RBM33: variants seen among roughly 807,000 people sequenced by gnomAD.
RBM33 encodes RNA-binding protein 33.
RBM33 carries 28 observed loss-of-function variants against 132.6 expected under a neutral mutation model. The observed-to-expected ratio is 0.21, with a 90% confidence interval of 0.16 to 0.29. RBM33 has a LOEUF of 0.29. RBM33 is among the 10% of genes least tolerant of loss of function. The pLI is 1.00. For synonymous variants in RBM33, 634 were observed against 593.0 expected, an observed-to-expected ratio of 1.07 and a Z score of -1.01; for missense variants, 1,291 against 1,518.5, an observed-to-expected ratio of 0.85 and a Z score of 2.49.
intron 8 of RBM33, among the ~76,000 whole-genome samples, chr7:155,717,209 G>A (rs1800487148): frequency 1.3e-5 from 2 of 152,172 alleles, no homozygotes; most frequent in Admixed American, 1.3e-4. Context: ...CCGCAAATAG[G>A]GTGAGTTAAA....
At chr7:155,707,389 G>C in intron 7 of RBM33, 1 of 506,432 alleles carries the variant, frequency 2.0e-6, no homozygotes, top group Admixed American at 2.4e-5. Flanking sequence ...AGGTATTTCT[G>C]AGTGCATTAC....
chr7:155,751,471 C>G (rs7781854), intron 14 of RBM33, among the ~76,000 whole-genome samples: 36,694 of 152,120 alleles, frequency 0.24, 4,701 homozygotes, highest in African/African-American at 0.32. Context: ...GTAGCTAACC[C>G]CCACCTTTCA....
At chr7:155,741,698 C>A in intron 12 of RBM33, 121 bp from the exon 13 acceptor site, 1 of 957,950 alleles carries the variant, frequency 1.0e-6, no homozygotes, top group Non-Finnish European at 1.6e-6. Context: ...TATCTGCTCC[C>A]CAAAAGAAGT....
intron 7 of RBM33, among the ~76,000 whole-genome samples, chr7:155,710,552 C>A (rs1410544304): frequency 1.3e-5 from 2 of 152,190 alleles, no homozygotes; most frequent in Non-Finnish European, 2.9e-5. Flanking sequence ...TACCTTCTTT[C>A]CTGCCTTCTT....
chr7:155,659,054 A>C (rs1331910533), intron 1 of RBM33, among the ~76,000 whole-genome samples: 1 of 152,346 alleles, frequency 6.6e-6, no homozygotes, highest in Admixed American at 6.5e-5. Flanking sequence ...AATAAATAGT[A>C]GTTTTAAAAA....
chr7:155,656,654 C>T (rs566112318), intron 1 of RBM33, among the ~76,000 whole-genome samples: 6 of 152,148 alleles, frequency 3.9e-5, no homozygotes, highest in Admixed American at 1.3e-4. Context: ...TAGAAGAATT[C>T]AGCTGTTTTC....
At chr7:155,723,514 C>T (rs138080261) in intron 9 of RBM33, among the ~76,000 whole-genome samples, 32 of 152,300 alleles carry the variant, frequency 2.1e-4, no homozygotes, top group African/African-American at 7.2e-4. Context: ...TCTGATTAAT[C>T]GTGATTACCA....
chr7:155,651,250 A>G (rs1798345390), intron 1 of RBM33, among the ~76,000 whole-genome samples: 1 of 152,130 alleles, frequency 6.6e-6, no homozygotes, highest in Non-Finnish European at 1.5e-5. Flanking sequence ...AGGAAATTTT[A>G]ATTTTCACAA....
chr7:155,704,358 C>T (rs1211767601), intron 6 of RBM33, among the ~76,000 whole-genome samples: 8 of 152,258 alleles, frequency 5.3e-5, no homozygotes, highest in Admixed American at 3.3e-4. Context: ...AAGGACGATA[C>T]AGAACTACAT....
chr7:155,713,422 G>T (rs527823396), intron 8 of RBM33, among the ~76,000 whole-genome samples: 1 of 152,080 alleles, frequency 6.6e-6, no homozygotes, highest in Admixed American at 6.6e-5. Flanking sequence ...GGAGGGGGAG[G>T]GGCAGGAGGA....
chr7:155,710,349 C>T (rs1258590222), intron 7 of RBM33, among the ~76,000 whole-genome samples: 2 of 152,102 alleles, frequency 1.3e-5, no homozygotes, highest in Non-Finnish European at 2.9e-5. Flanking sequence ...TAAATAGGAC[C>T]TAGTTTATAG....
chr7:155,680,233 T>C (rs1256677829), intron 4 of RBM33, among the ~76,000 whole-genome samples: 1 of 152,244 alleles, frequency 6.6e-6, no homozygotes, highest in African/African-American at 2.4e-5. Flanking sequence ...GAATGAAATA[T>C]AGGCTATTTG....
chr7:155,687,095 A>G (rs905887406), intron 5 of RBM33, among the ~76,000 whole-genome samples: 8 of 152,244 alleles, frequency 5.3e-5, no homozygotes, highest in Admixed American at 2.0e-4. Flanking sequence ...CAGTCCCACC[A>G]ACAGTGTAAA....
At chr7:155,648,353 G>A (rs1798259204) in intron 1 of RBM33, among the ~76,000 whole-genome samples, 2 of 152,160 alleles carry the variant, frequency 1.3e-5, no homozygotes, top group Non-Finnish European at 2.9e-5. Flanking sequence ...GAAAAGTTCA[G>A]CCACCTAGCT....
intron 3 of RBM33, among the ~76,000 whole-genome samples, chr7:155,674,150 G>T (rs150757912): frequency 1.3e-5 from 2 of 151,654 alleles, no homozygotes; most frequent in Non-Finnish European, 2.9e-5. Flanking sequence ...AGTTAGTGTG[G>T]TTAGTTAGTT....
intron 1 of RBM33, among the ~76,000 whole-genome samples, chr7:155,647,303 C>A (rs1356391465): frequency 6.6e-6 from 1 of 152,138 alleles, no homozygotes; most frequent in Non-Finnish European, 1.5e-5. Context: ...TCGAGATTGT[C>A]AGTTTGAAAA....
chr7:155,737,098 T>A (rs1305931996), intron 9 of RBM33, among the ~76,000 whole-genome samples: 1 of 152,242 alleles, frequency 6.6e-6, no homozygotes, highest in Non-Finnish European at 1.5e-5. Flanking sequence ...TAGGGTTGGA[T>A]ATGTTTACAT....
At chr7:155,729,755 A>C (rs985981565) in intron 9 of RBM33, among the ~76,000 whole-genome samples, 1 of 152,026 alleles carries the variant, frequency 6.6e-6, no homozygotes, top group African/African-American at 2.4e-5. Flanking sequence ...AAAAAAAAAA[A>C]AAAAAATTCT....
At chr7:155,718,289 C>T in intron 8 of RBM33, 96 bp from the exon 9 acceptor site, 1 of 905,844 alleles carries the variant, frequency 1.1e-6, no homozygotes, top group South Asian at 1.3e-5. Flanking sequence ...GTCTGGTACG[C>T]ATAGTATATA....
Sources: allele counts gnomAD v4.1 joint callset (sites outside exome capture counted in the v4.1 genomes callset), GRCh38; gene constraint gnomAD v4.1.1; transcripts MANE v1.5; gene names NCBI Gene and HGNC (gene_info 2026-07-23, HGNC 2026-07-21).